The following MAN2A1 variants were observed in gnomAD, a reference collection of about 807,000 sequenced individuals.
The protein encoded by MAN2A1 is mannosidase alpha class 2A member 1, also known as alpha-mannosidase 2.
A neutral mutation model predicts 142.6 loss-of-function variants in MAN2A1; 76 were observed. That is an observed-to-expected ratio of 0.53 (90% confidence interval 0.44 to 0.65). The LOEUF (loss-of-function observed/expected upper bound fraction) is 0.65. Ranked by LOEUF, MAN2A1 falls within the 30% of genes least tolerant of loss-of-function variation. The probability of loss-of-function intolerance (pLI) is 0.00; values close to 1 mark genes in which losing one functional copy is unlikely to be tolerated. For synonymous variants in MAN2A1, 559 were observed against 473.2 expected, an observed-to-expected ratio of 1.18 and a Z score of -2.35; for missense variants, 1,311 against 1,365.1, an observed-to-expected ratio of 0.96 and a Z score of 0.62.
At chr5:109,709,848 A>G (rs1751245929) in intron 1 of MAN2A1, among the ~76,000 whole-genome samples, 1 of 152,090 alleles carries the variant, frequency 6.6e-6, no homozygotes, top group African/African-American at 2.4e-5. Flanking sequence ...CTCATAAGTG[A>G]TTTTCTTGCC....
intron 20 of MAN2A1, among the ~76,000 whole-genome samples, chr5:109,859,202 A>C (rs1006102423): frequency 3.9e-5 from 6 of 152,234 alleles, no homozygotes; most frequent in Admixed American, 2.0e-4. Flanking sequence ...TCTGAATCTC[A>C]GTGCTGTGTG....
chr5:109,763,419 A>G (rs1752905097), intron 5 of MAN2A1, among the ~76,000 whole-genome samples: 1 of 151,990 alleles, frequency 6.6e-6, no homozygotes, highest in Non-Finnish European at 1.5e-5. Context: ...ATCTGAGGAT[A>G]TGACATTTCT....
chr5:109,712,590 G>C (rs1751332509), intron 1 of MAN2A1, among the ~76,000 whole-genome samples: 1 of 151,850 alleles, frequency 6.6e-6, no homozygotes, highest in Non-Finnish European at 1.5e-5. Flanking sequence ...AGAGTTGTTT[G>C]TTCACCATGC....
rs982212021 is a variant in MAN2A1 at position 109,690,221 on chromosome 5, C to T, written c.-197C>T. On this transcript the variant is annotated 5_prime_UTR_variant, in exon 1 of 22. Coordinates refer to ENST00000261483, the MANE Select transcript of MAN2A1 (RefSeq NM_002372.4). ...GCCCGACCCCGGGGAGGGCGGCAGG[C>T]CAGGGCGAAGGCCAAGGGCGTGTGG... 1.2e-5 allele frequency: 7 copies of T among 583,670 alleles called. No homozygotes were observed. Among genetic ancestry groups the T allele is most frequent in the African/African-American group, 1.1e-4 (6 of 53,316 alleles). 36.2% of individuals were successfully genotyped at this position (583,670 alleles called of 1,614,324 possible).
intron 16 of MAN2A1, among the ~76,000 whole-genome samples, chr5:109,839,466 T>C (rs9326783): frequency 0.085 from 12,839 of 151,448 alleles, 641 homozygotes; most frequent in African/African-American, 0.15. Flanking sequence ...GAAATGTACA[T>C]GTGTAGGTAA....
At chr5:109,719,972 A>G (rs1283089073) in intron 3 of MAN2A1, among the ~76,000 whole-genome samples, 1 of 152,204 alleles carries the variant, frequency 6.6e-6, no homozygotes. Context: ...TATGCTTTTG[A>G]AAGTTTTGAA....
In MAN2A1 at chr5:109,817,342, G is replaced by T. The variant is rs141536345; in HGVS notation, c.2013G>T (p.Pro671=). Residue 671 remains proline (P), a synonymous_variant, in exon 13 of 22, where the codon CCG becomes CCT. Coordinates refer to ENST00000261483, the MANE Select transcript of MAN2A1 (RefSeq NM_002372.4). ...TGGTCTCAGTCTATGTGAGTTCCCC[G>T]ACAGTGCAAGTGTTCTCTGCTTCAG... is the stretch of plus-strand genomic sequence containing the variant. The part of the protein sequence containing the change: ...ISLVSVYVSS[P]TVQVFSASGK... The T allele has an allele frequency of 1.2e-6, 2 of 1,614,056 alleles. No homozygotes were observed. The highest frequency in any genetic ancestry group is 1.7e-5 in the Admixed American group (1 of 60,020).
chr5:109,862,107 G>T (rs1318694843), intron 20 of MAN2A1, among the ~76,000 whole-genome samples: 2 of 152,180 alleles, frequency 1.3e-5, no homozygotes, highest in African/African-American at 4.8e-5. Context: ...GACTGATATT[G>T]TCACTGCGGT....
rs558952998 is a variant in MAN2A1 at position 109,819,986 on chromosome 5, A to G, written c.2328+99A>G. ...AAAAGGGGAAAAAAGTCTTAAGTAG[A>G]GCTGTATCAAATACTCTTGAGTAAA... On this transcript the variant is annotated intron_variant, in intron 14 of 21. Transcript: ENST00000261483. 1.6e-4 allele frequency: 148 copies of G among 921,194 alleles called. No individual in the cohort carries two copies. In the African/African-American group the frequency reaches 2.0e-3, roughly 12 times the overall value. 57.1% of individuals were successfully genotyped at this position (921,194 alleles called of 1,614,324 possible).
Position 109,867,133 on chromosome 5 carries a change from T to A in MAN2A1, c.*135T>A. On this transcript the variant is annotated 3_prime_UTR_variant, in exon 22 of 22. Transcript: ENST00000261483. Reference sequence around the variant, plus strand: ...ATTCTGTGATTCTGTGGGTTTTTTCTTTTTTCTTTTACCAGTACAGTAAGA... The same window carrying A: ...ATTCTGTGATTCTGTGGGTTTTTTCATTTTTCTTTTACCAGTACAGTAAGA... 1 of 537,820 alleles carries A rather than the reference T, an allele frequency of 1.9e-6. No individual in the cohort carries two copies. Among genetic ancestry groups the A allele is most frequent in the Non-Finnish European group, 3.1e-6 (1 of 320,540 alleles). The allele number at this position is 537,820 out of a possible 1,614,324, so 33.3% of individuals were successfully genotyped here.
chr5:109,798,657 C>T (rs1561517605), intron 12 of MAN2A1, among the ~76,000 whole-genome samples: 1 of 151,862 alleles, frequency 6.6e-6, no homozygotes, highest in South Asian at 2.1e-4. Flanking sequence ...CCTTTTCATT[C>T]TGTGTTTTGT....
At chr5:109,739,583 G>A (rs1752207620) in intron 4 of MAN2A1, among the ~76,000 whole-genome samples, 1 of 152,114 alleles carries the variant, frequency 6.6e-6, no homozygotes, top group Non-Finnish European at 1.5e-5. Context: ...TGTGCTTTTT[G>A]TATTGTTGTC....
At chr5:109,755,493 G>A (rs755583537) in intron 5 of MAN2A1, 37 bp downstream of exon 5, 11 of 1,558,770 alleles carry the variant, frequency 7.1e-6, no homozygotes, top group Non-Finnish European at 6.1e-6. Flanking sequence ...GGCTATTTTG[G>A]ACAGTTAATT....
rs1321688357 is a variant in MAN2A1 at position 109,690,462 on chromosome 5, C to A, written c.45C>A (p.Phe15Leu). The A allele has an allele frequency of 6.2e-7, 1 of 1,614,072 alleles. No individual in the cohort carries two copies. The highest frequency in any genetic ancestry group is 8.5e-7 in the Non-Finnish European group (1 of 1,179,946). Residue 15 changes from phenylalanine to leucine, a missense_variant, in exon 1 of 22, where the codon TTC (phenylalanine) becomes TTA (leucine). Around this residue, in one of 3 missense-constraint regions of MAN2A1, gnomAD observed 409 missense variants for 412.7 expected, o/e 0.99. Transcript: ENST00000261483. ...RQFTVFGSAI[F>L]CVVIFSLYLM... ...TCACCGTGTTCGGCAGTGCGATCTT[C>A]TGTGTGGTGATTTTCTCGCTCTACC...
At chr5:109,732,905 C>A (rs912352437) in intron 4 of MAN2A1, among the ~76,000 whole-genome samples, 1 of 151,658 alleles carries the variant, frequency 6.6e-6, no homozygotes, top group African/African-American at 2.4e-5. Context: ...TGAAGAAAAT[C>A]ATTGGTAGCT....
chr5:109,711,015 A>G (rs1411847993), intron 1 of MAN2A1, among the ~76,000 whole-genome samples: 1 of 151,662 alleles, frequency 6.6e-6, no homozygotes, highest in African/African-American at 2.4e-5. Context: ...TTTAGTAGAG[A>G]TGGGGTTTCA....
At chr5:109,776,724 T>C (rs1301365988) in intron 8 of MAN2A1, among the ~76,000 whole-genome samples, 1 of 152,110 alleles carries the variant, frequency 6.6e-6, no homozygotes, top group Non-Finnish European at 1.5e-5. Context: ...CTTAGAACTT[T>C]TATTGTCCCT....
At chr5:109,824,889 T>G (rs1474608798) in intron 16 of MAN2A1, among the ~76,000 whole-genome samples, 4 of 152,186 alleles carry the variant, frequency 2.6e-5, no homozygotes, top group Non-Finnish European at 1.5e-5. Flanking sequence ...TTTGTTAGAA[T>G]TTCAGGTATG....
At position 109,855,292 on chromosome 5, in the gene MAN2A1, T is replaced by G; in HGVS notation, c.3129T>G (p.Pro1043=). The change falls in exon 20 of 22, where the codon CCT becomes CCG. Residue 1043 remains proline, a synonymous_variant. Coordinates refer to ENST00000261483, the MANE Select transcript of MAN2A1 (RefSeq NM_002372.4). ...GEFSPLQSSL[P]CDIHLVNLRT... ...TCTCTCCATTACAGTCATCTTTGCC[T>G]TGTGACATTCATCTGGTTAATTTGA... 1 of 1,601,030 alleles carries G rather than the reference T, an allele frequency of 6.2e-7. No homozygotes were observed. Among genetic ancestry groups the G allele is most frequent in the Non-Finnish European group, 8.5e-7 (1 of 1,175,904 alleles).
Sources: allele counts gnomAD v4.1 joint callset (sites outside exome capture counted in the v4.1 genomes callset), GRCh38; gene constraint gnomAD v4.1.1; regional missense constraint gnomAD v4.1.1; transcripts MANE v1.5; gene names NCBI Gene and HGNC (gene_info 2026-07-23, HGNC 2026-07-21).